The following GAN variants were observed in gnomAD, a reference collection of about 807,000 sequenced individuals.
The protein encoded by GAN is gigaxonin, also known as epididymis secretory sperm binding protein.
GAN carries 48 observed loss-of-function variants against 71.3 expected under a neutral mutation model. That is an observed-to-expected ratio of 0.67 (90% CI 0.53 to 0.86). The LOEUF is 0.86. Ranked by LOEUF, GAN falls within the 40% of genes least tolerant of loss-of-function variation. GAN has a pLI of 0.00. For missense variants in GAN, 928 were observed against 770.1 expected (o/e 1.21, Z -2.43); for synonymous variants, 386 against 276.8 (o/e 1.39, Z -3.92).
chr16:81,368,383 G>A (rs886799399), intron 9 of GAN, among the ~76,000 whole-genome samples: 1 of 152,206 alleles, frequency 6.6e-6, no homozygotes, highest in Non-Finnish European at 1.5e-5. Context: ...AGGATCCCTT[G>A]AGCCCAGGAG....
chr16:81,359,660 T>A (rs557089565), intron 5 of GAN, among the ~76,000 whole-genome samples: 2 of 152,138 alleles, frequency 1.3e-5, no homozygotes, highest in Non-Finnish European at 2.9e-5. Flanking sequence ...CTAATAAATA[T>A]GTACAGTAGA....
intron 1 of GAN, among the ~76,000 whole-genome samples, chr16:81,335,746 C>CAAAAAA (rs55948723): frequency 2.9e-5 from 3 of 103,430 alleles, no homozygotes; most frequent in Admixed American, 1.1e-4. Flanking sequence ...GACTCAGTCT[C>CAAAAAA]AAAAAAAAAA....
intron 1 of GAN, among the ~76,000 whole-genome samples, chr16:81,350,145 C>G (rs750152047): frequency 1.3e-5 from 2 of 151,556 alleles, no homozygotes; most frequent in Non-Finnish European, 2.9e-5. Flanking sequence ...ATTAGTATCA[C>G]AAATATGTAA....
At position 81,329,336 on chromosome 16, in the gene GAN, G is replaced by A. The variant is rs974629398; in HGVS notation, c.167+14056G>A. Among the ~76,000 whole-genome samples, 11 of 152,082 alleles carry A rather than the reference G, an allele frequency of 7.2e-5. 1 individual carries two copies. The highest frequency in any genetic ancestry group is 1.9e-4 in the East Asian group (1 of 5,192). ...GATTCATTCAGGGCAACTGGAATCC[G>A]TGTTCCTGGGTTGCCGCCCTCAAAT... On this transcript the variant is annotated intron_variant, in intron 1 of 10. Coordinates refer to ENST00000648994, the MANE Select transcript of GAN (RefSeq NM_022041.4).
At chr16:81,319,206 T>TTTTATATATATATA (rs61540131) in intron 1 of GAN, among the ~76,000 whole-genome samples, 3 of 138,798 alleles carry the variant, frequency 2.2e-5, no homozygotes, top group East Asian at 2.2e-4. Context: ...TAGATATAGA[T>TTTTATATATATATA]TATATATATA....
At chr16:81,360,614 C>A (rs182065340) in intron 5 of GAN, among the ~76,000 whole-genome samples, 5 of 151,036 alleles carry the variant, frequency 3.3e-5, no homozygotes, top group Non-Finnish European at 7.4e-5. Context: ...TGTCTTTTTA[C>A]AGGAGAATAA....
intron 5 of GAN, 29 bp from the exon 6 acceptor site, chr16:81,362,470 C>T (rs377288892): frequency 8.5e-7 from 1 of 1,176,886 alleles, no homozygotes; most frequent in Non-Finnish European, 1.3e-6. Context: ...ACTCACATTT[C>T]ATATTTGTGT....
chr16:81,365,192 C>A (rs1299233647), intron 8 of GAN, 82 bp downstream of exon 8: 1 of 1,575,440 alleles, frequency 6.3e-7, no homozygotes, highest in Non-Finnish European at 8.7e-7. Context: ...GGCTTTTGTT[C>A]TTTTCTTTCA....
At chr16:81,362,744 C>A in intron 6 of GAN, 133 bp downstream of exon 6, 1 of 706,684 alleles carries the variant, frequency 1.4e-6, no homozygotes, top group Admixed American at 2.0e-5. Flanking sequence ...CCAACCTCTC[C>A]TTCTAGTGCC....
Position 81,377,420 on chromosome 16 carries a change from A to C in GAN, c.1618A>C (p.Asn540His). Reference sequence around the variant, plus strand: ...TGCTTATTTCTGTGGCTTAGGTACCAATTACGACTACGTGCGTGAGTTTAA... The same window carrying C: ...TGCTTATTTCTGTGGCTTAGGTACCCATTACGACTACGTGCGTGAGTTTAA... ...YVIGDLDTGT[N>H]YDYVREFKRS... is the part of the protein sequence containing the mutation. The change falls in exon 11 of 11, where the codon AAT becomes CAT. Residue 540 changes from asparagine to histidine, a missense_variant. Asn to His is a moderately conservative substitution (Grantham distance 68). Transcript: ENST00000648994. 1 of 1,613,850 alleles carries C rather than the reference A, an allele frequency of 6.2e-7. No individual in the cohort carries two copies.
chr16:81,321,780 G>C (rs1217414758), intron 1 of GAN, among the ~76,000 whole-genome samples: 2 of 152,216 alleles, frequency 1.3e-5, no homozygotes, highest in African/African-American at 2.4e-5. Context: ...TGAATGATTT[G>C]TGAGTTTGAA....
chr16:81,347,059 T>C (rs1434854999), intron 1 of GAN, among the ~76,000 whole-genome samples: 1 of 152,228 alleles, frequency 6.6e-6, no homozygotes, highest in African/African-American at 2.4e-5. Flanking sequence ...AGTGAAGACA[T>C]GTCTGCTGCC....
chr16:81,314,988 T>C lies in GAN; in HGVS notation c.-126T>C, dbSNP rs886052330. ...GATAGCACAGGCACGTCCCGGGGGCTCCAGCTTCTGCTCAGAGCGCGGAGA... is the reference window on the plus strand; with the variant it reads ...GATAGCACAGGCACGTCCCGGGGGCCCCAGCTTCTGCTCAGAGCGCGGAGA... On this transcript the variant is annotated 5_prime_UTR_variant, in exon 1 of 11. Transcript: ENST00000648994. The C allele has an allele frequency of 2.5e-6, 2 of 798,104 alleles. No homozygotes were observed. The highest frequency in any genetic ancestry group is 3.5e-6 in the Non-Finnish European group (2 of 567,792). 49.4% of individuals were successfully genotyped at this position (798,104 alleles called of 1,614,324 possible).
rs10871411 is a variant in GAN, at chr16:81,387,673, G to C, written c.*10077G>C. On this transcript the variant is annotated 3_prime_UTR_variant, in exon 11 of 11. Coordinates refer to ENST00000648994, the MANE Select transcript of GAN (RefSeq NM_022041.4). The stretch of plus-strand genomic sequence containing the variant: ...TCTACTAAAAATACAAAAATTAGCC[G>C]AGTGTGTTGGTGGGCCCCTGTAATC... 6.6e-6 allele frequency: 1 copy of C among 151,798 alleles called. No homozygotes were observed. Among genetic ancestry groups the C allele is most frequent in the Non-Finnish European group, 1.5e-5 (1 of 68,020 alleles). The allele number at this position is 151,798 out of a possible 1,614,324, so 9.4% of individuals were successfully genotyped here.
At chr16:81,357,263 C>T (rs1005965191) in intron 4 of GAN, among the ~76,000 whole-genome samples, 12 of 152,136 alleles carry the variant, frequency 7.9e-5, no homozygotes, top group African/African-American at 2.9e-4. Context: ...CCTCTCCCTC[C>T]ACCCCGCAAC....
intron 6 of GAN, among the ~76,000 whole-genome samples, chr16:81,363,405 C>A (rs757670189): frequency 2.6e-5 from 4 of 152,138 alleles, no homozygotes; most frequent in Admixed American, 6.6e-5. Context: ...GTTAGGGAAG[C>A]CAGAAATCTT....
intron 2 of GAN, among the ~76,000 whole-genome samples, chr16:81,353,541 T>A (rs1218234639): frequency 1.3e-5 from 2 of 152,226 alleles, no homozygotes; most frequent in Non-Finnish European, 2.9e-5. Context: ...CAATTATACT[T>A]TTTTAAAAAT....
intron 2 of GAN, 116 bp downstream of exon 2, chr16:81,351,813 C>G: frequency 1.4e-6 from 1 of 737,042 alleles, no homozygotes; most frequent in East Asian, 2.6e-5. Flanking sequence ...TCTTCTGTCA[C>G]TGTGTGCATT....
chr16:81,340,689 C>A (rs1171074124), intron 1 of GAN, among the ~76,000 whole-genome samples: 1 of 151,960 alleles, frequency 6.6e-6, no homozygotes, highest in African/African-American at 2.4e-5. Context: ...GAAACCAGAG[C>A]AGAAAGGCTG....
Sources: allele counts gnomAD v4.1 joint callset (sites outside exome capture counted in the v4.1 genomes callset), GRCh38; gene constraint gnomAD v4.1.1; transcripts MANE v1.5; gene names NCBI Gene and HGNC (gene_info 2026-07-23, HGNC 2026-07-21).